KDM5A: variants seen among roughly 807,000 people sequenced by gnomAD.
KDM5A encodes the protein lysine demethylase 5A.
In KDM5A, 42 loss-of-function variants were observed where a neutral mutation model predicts 193.5. The ratio of observed to expected loss-of-function variants is 0.22; its 90% confidence interval spans 0.17 to 0.28. KDM5A has a LOEUF of 0.28. Among genes scored for constraint, KDM5A ranks in the 10% least tolerant of loss-of-function variants. KDM5A has a pLI of 1.00. For synonymous variants in KDM5A, 796 were observed against 718.1 expected (o/e 1.11, Z -1.73); for missense variants, 1,692 against 2,055.1 (o/e 0.82, Z 3.42).
chr12:318,889 G>C (rs770916211), intron 18 of KDM5A, among the ~76,000 whole-genome samples: 1 of 152,184 alleles, frequency 6.6e-6, no homozygotes, highest in Non-Finnish European at 1.5e-5. Flanking sequence ...GAGTGGGGAA[G>C]GGCATATTAC....
chr12:359,765 G>C (rs1358105335), intron 5 of KDM5A, among the ~76,000 whole-genome samples: 3 of 136,038 alleles, frequency 2.2e-5, no homozygotes, highest in Non-Finnish European at 4.8e-5. Flanking sequence ...GGGTGGGGGG[G>C]AGTGGGAGGG....
At chr12:339,178 C>CAA (rs71687052) in intron 10 of KDM5A, among the ~76,000 whole-genome samples, 31 of 107,268 alleles carry the variant, frequency 2.9e-4, no homozygotes, top group Middle Eastern at 5.2e-3. Flanking sequence ...AACCCCATCT[C>CAA]AAAAAAAAAA....
rs1943678491 is a variant in KDM5A at position 318,558 on chromosome 12, A to C, written c.2542-97T>G. 5 of 837,034 alleles carry C rather than the reference A, an allele frequency of 6.0e-6. No homozygotes were observed. In the Admixed American group the frequency reaches 9.7e-5, roughly 16 times the overall value. The allele number at this position is 837,034 out of a possible 1,614,324, so 51.9% of individuals were successfully genotyped here. A position where few individuals can be genotyped will look rare whatever the true frequency, so the allele number is the denominator to read the frequency against. Reference sequence around the variant, plus strand: ...AGTCAAGGCAAACTATCAATTCTAGACTCTTATAATCTCACCATCATAACA... The same window carrying C: ...AGTCAAGGCAAACTATCAATTCTAGCCTCTTATAATCTCACCATCATAACA... On this transcript the variant is annotated intron_variant, in intron 18 of 27. Transcript: ENST00000399788.
chr12:297,098 C>A lies in KDM5A; in HGVS notation c.4177G>T (p.Ala1393Ser), dbSNP rs1169169102. ...SEEVVTHMWT[A>S]PSFCAEHAYS... ...GCATGCTCTGCACAAAATGAAGGTG[C>A]TGTCCACATGTGGGTCACCACCTCC... Residue 1393 changes from alanine (A) to serine (S), a missense_variant, in exon 25 of 28, where the codon GCA becomes TCA. By Grantham distance (99) the Ala-to-Ser change is moderately conservative (BLOSUM62 1). Coordinates refer to ENST00000399788, the MANE Select transcript of KDM5A (RefSeq NM_001042603.3). The A allele has an allele frequency of 3.1e-6, 5 of 1,613,900 alleles. No individual in the cohort carries two copies. The highest frequency in any genetic ancestry group is 4.2e-6 in the Non-Finnish European group (5 of 1,179,972).
chr12:311,785 G>A (rs752387711), intron 20 of KDM5A, among the ~76,000 whole-genome samples: 5 of 152,244 alleles, frequency 3.3e-5, no homozygotes, highest in Non-Finnish European at 7.4e-5. Flanking sequence ...TGTAATCCCA[G>A]CACTTTGGAA....
At position 311,027 on chromosome 12, in the gene KDM5A, C is replaced by T; in HGVS notation, c.3074G>A (p.Ser1025Asn). ...SNYAYLEQLE[S>N]LSAKGRPIPV... is the part of the protein sequence containing the mutation. ...AATAGGGCGTCCTTTCGCAGACAAG[C>T]TCTCAAGCTGCTCCAAATAAGCGTA... Residue 1025 changes from serine (S) to asparagine (N), a missense_variant, in exon 21 of 28, where the codon AGC becomes AAC. Around this residue, in one of 11 missense-constraint regions of KDM5A, gnomAD observed 965 missense variants for 1,061.0 expected, o/e 0.91. Transcript: ENST00000399788. 1 of 1,614,198 alleles carries T rather than the reference C, an allele frequency of 6.2e-7. No individual in the cohort carries two copies. The highest frequency in any genetic ancestry group is 1.3e-5 in the African/African-American group (1 of 75,050).
intron 24 of KDM5A, among the ~76,000 whole-genome samples, chr12:298,838 GT>G (rs1465639940): frequency 6.6e-6 from 1 of 151,982 alleles, no homozygotes; most frequent in African/African-American, 2.4e-5. Flanking sequence ...AGAATAACCA[GT>G]TTAGAAAAGA....
At chr12:337,646 C>CTT (rs61446610) in intron 10 of KDM5A, among the ~76,000 whole-genome samples, 3,242 of 140,638 alleles carry the variant, frequency 0.023, 132 homozygotes, top group African/African-American at 0.079. Flanking sequence ...TATTTCTAAA[C>CTT]TTTTTTTTTT....
chr12:323,511 A>C, intron 15 of KDM5A, 89 bp downstream of exon 15: 1 of 1,289,416 alleles, frequency 7.8e-7, no homozygotes, highest in Non-Finnish European at 1.1e-6. Flanking sequence ...TCCAGAGTAA[A>C]GGAGTAAAGT....
rs1011502626 is a variant in KDM5A, at chr12:284,323, CT to C, written c.*1132del. The C allele has an allele frequency of 0.027, 5,122 of 190,896 alleles. No homozygotes were observed. Among genetic ancestry groups the C allele is most frequent in the Middle Eastern group, 0.049 (28 of 570 alleles). 11.8% of individuals were successfully genotyped at this position (190,896 alleles called of 1,614,324 possible). On this transcript the variant is annotated 3_prime_UTR_variant, in exon 28 of 28. Coordinates refer to ENST00000399788, the MANE Select transcript of KDM5A (RefSeq NM_001042603.3). ...ATTTAGAAAAAAGTAAAAACAAGTC[CT>C]TTTTTTTTTTTAAAAATGGATTTAC...
At chr12:332,666 C>T (rs1410381163) in intron 12 of KDM5A, among the ~76,000 whole-genome samples, 2 of 152,004 alleles carry the variant, frequency 1.3e-5, no homozygotes, top group Non-Finnish European at 2.9e-5. Flanking sequence ...GCTAAGAAAT[C>T]TTTACATGAG....
intron 24 of KDM5A, among the ~76,000 whole-genome samples, chr12:304,106 A>G (rs1035129927): frequency 6.6e-6 from 1 of 152,222 alleles, no homozygotes; most frequent in African/African-American, 2.4e-5. Context: ...ATTAGTTTCC[A>G]CAAGCTCACC....
Position 366,102 on chromosome 12 carries a change from A to G in KDM5A, c.369T>C (p.Ile123=), listed in dbSNP as rs367972355. Residue 123 remains isoleucine, a splice_region_variant and synonymous_variant, in exon 4 of 28, where the codon ATT becomes ATC. Coordinates refer to ENST00000399788, the MANE Select transcript of KDM5A (RefSeq NM_001042603.3). ...KILDLYALSK[I]VASKGGFEMV... is the part of the protein sequence containing the mutation. ...TTTCAAAACCTCCTTTGCTGGCAAC[A>G]ATCTGAAAAGAAAGTAAAAGTTGCT... 34 of 1,613,866 alleles carry G rather than the reference A, an allele frequency of 2.1e-5. No individual in the cohort carries two copies. Among genetic ancestry groups the G allele is most frequent in the Non-Finnish European group, 2.7e-5 (32 of 1,179,950 alleles).
chr12:311,006 G>C lies in KDM5A; in HGVS notation c.3095C>G (p.Pro1032Arg), dbSNP rs1434412063. 2 of 1,614,196 alleles carry C rather than the reference G, an allele frequency of 1.2e-6. No individual in the cohort carries two copies. Among genetic ancestry groups the C allele is most frequent in the African/African-American group, 1.3e-5 (1 of 75,046 alleles). The change falls in exon 21 of 28, where the codon CCT becomes CGT. Residue 1032 changes from proline to arginine, a missense_variant. Coordinates refer to ENST00000399788, the MANE Select transcript of KDM5A (RefSeq NM_001042603.3). ...QLESLSAKGR[P>R]IPVRLEALPQ... ...CAGTGCTTCAAGACGCACAGGAATA[G>C]GGCGTCCTTTCGCAGACAAGCTCTC... is the stretch of plus-strand genomic sequence containing the variant.
chr12:373,543 T>C (rs987961178), intron 3 of KDM5A, among the ~76,000 whole-genome samples: 9 of 152,214 alleles, frequency 5.9e-5, no homozygotes, highest in Non-Finnish European at 1.2e-4. Context: ...CCTGGATTCA[T>C]TGATTTTTTG....
chr12:295,314 AAAAG>A (rs771439058), intron 26 of KDM5A, among the ~76,000 whole-genome samples: 6 of 148,006 alleles, frequency 4.1e-5, no homozygotes, highest in Non-Finnish European at 7.6e-5. Flanking sequence ...AGGAAAGGAG[AAAAG>A]AAAGAAAAAG....
chr12:342,415 T>G (rs1944018138), intron 10 of KDM5A, among the ~76,000 whole-genome samples: 1 of 152,062 alleles, frequency 6.6e-6, no homozygotes, highest in Non-Finnish European at 1.5e-5. Flanking sequence ...ATCTACCCAC[T>G]CAGGTGTTGA....
At chr12:308,664 C>T (rs1021867714) in intron 22 of KDM5A, among the ~76,000 whole-genome samples, 3 of 152,198 alleles carry the variant, frequency 2.0e-5, no homozygotes, top group African/African-American at 7.2e-5. Flanking sequence ...TCTTGTTAAA[C>T]TACTGGCAGC....
At chr12:301,091 C>T (rs1278509673) in intron 24 of KDM5A, among the ~76,000 whole-genome samples, 2 of 152,140 alleles carry the variant, frequency 1.3e-5, no homozygotes, top group Non-Finnish European at 2.9e-5. Context: ...CCGAATTCTA[C>T]CAGAGGTACA....
Sources: gnomAD v4.1 joint callset for allele counts (sites outside exome capture counted in the v4.1 genomes callset) on GRCh38, gnomAD v4.1.1 for gene constraint, gnomAD v4.1.1 regional missense constraint, MANE v1.5 for transcripts, NCBI Gene and HGNC (gene_info 2026-07-23, HGNC 2026-07-21) for gene names.